The following DMD variants were observed in gnomAD, a reference collection of about 807,000 sequenced individuals.
The protein encoded by DMD is mutant dystrophin.
A neutral mutation model predicts 330.1 loss-of-function variants in DMD; 63 were observed. That is an observed-to-expected ratio of 0.19 (90% CI 0.16 to 0.24). The LOEUF is 0.24. Ranked by LOEUF, DMD falls within the 10% of genes least tolerant of loss-of-function variation. DMD has a pLI of 1.00. For missense variants in DMD, 3,344 were observed against 2,684.1 expected (o/e 1.25, Z -5.43); for synonymous variants, 1,223 against 959.8 (o/e 1.27, Z -5.07).
intron 1 of DMD, among the ~76,000 whole-genome samples, chrX:33,148,830 A>G (rs1038592744): frequency 3.6e-5 from 4 of 111,828 alleles, no homozygotes; most frequent in Non-Finnish European, 7.5e-5. Flanking sequence ...AAATCTCTCT[A>G]TGAGAGATAA....
chrX:32,187,851 C>T (rs1007750810), intron 44 of DMD, among the ~76,000 whole-genome samples: 28 of 110,629 alleles, frequency 2.5e-4, no homozygotes, highest in African/African-American at 8.2e-4. Context: ...AAACAAAGCA[C>T]GAACACGGTA....
chrX:32,579,599 T>A (rs2053435442), intron 13 of DMD, among the ~76,000 whole-genome samples: 1 of 112,869 alleles, frequency 8.9e-6, no homozygotes, highest in Non-Finnish European at 1.9e-5. Flanking sequence ...CTTTTCATAT[T>A]TTGTTTTAGC....
At chrX:32,725,118 T>C (rs751593042) in intron 7 of DMD, among the ~76,000 whole-genome samples, 2 of 111,378 alleles carry the variant, frequency 1.8e-5, no homozygotes, top group East Asian at 2.8e-4. Flanking sequence ...AATCTAGACA[T>C]TGTTTTCTTA....
In DMD at chrX:31,479,079, T is replaced by C; in HGVS notation, c.8572A>G (p.Lys2858Glu). ...HRAFKRELKT[K>E]EPVIMSTLET... ...AGAGTACTCATGATTACAGGTTCTT[T>C]AGTTTTCAATTCCCTCTTGAAGGCC... Residue 2858 changes from lysine to glutamate, a missense_variant, in exon 58 of 79, where the codon AAA becomes GAA. Lys to Glu is a moderately conservative substitution (Grantham distance 56). Coordinates refer to ENST00000357033, the MANE Select transcript of DMD (RefSeq NM_004006.3). 1.7e-6 allele frequency: 2 copies of C among 1,210,138 alleles called. No homozygotes were observed. Among genetic ancestry groups the C allele is most frequent in the Non-Finnish European group, 2.2e-6 (2 of 894,120 alleles).
intron 55 of DMD, among the ~76,000 whole-genome samples, chrX:31,574,825 CAAAAT>C (rs2076018786): frequency 9.0e-6 from 1 of 111,699 alleles, no homozygotes; most frequent in South Asian, 3.8e-4. Flanking sequence ...TCTCAAGAGA[CAAAAT>C]AAAACTACGA....
intron 25 of DMD, among the ~76,000 whole-genome samples, chrX:32,462,096 C>A (rs1456496091): frequency 1.8e-5 from 2 of 111,047 alleles, no homozygotes; most frequent in Non-Finnish European, 3.8e-5. Context: ...TATTAATTTC[C>A]AAAAAGGTAC....
chrX:31,372,489 G>C (rs1005949313), intron 60 of DMD, among the ~76,000 whole-genome samples: 3 of 111,773 alleles, frequency 2.7e-5, no homozygotes, highest in African/African-American at 9.8e-5. Flanking sequence ...GTGCAAATTA[G>C]GCCTCTTTCG....
At chrX:33,291,114 A>T (rs905588506) in intron 1 of DMD, among the ~76,000 whole-genome samples, 6 of 111,632 alleles carry the variant, frequency 5.4e-5, no homozygotes, top group African/African-American at 1.3e-4. Flanking sequence ...CATGCAAATC[A>T]ATAAACATAA....
intron 17 of DMD, among the ~76,000 whole-genome samples, chrX:32,534,515 A>G (rs1246393720): frequency 2.7e-5 from 3 of 110,230 alleles, no homozygotes; most frequent in African/African-American, 9.9e-5. Context: ...GCTTCCTGAG[A>G]CCTCCCCAGA....
In DMD at chrX:32,793,713, A is replaced by G. The variant is rs192598502; in HGVS notation, c.649+15780T>C. On this transcript the variant is annotated intron_variant, in intron 7 of 78. Coordinates refer to ENST00000357033, the MANE Select transcript of DMD (RefSeq NM_004006.3). ...AACCAACCGTGGATCAAGAAGAAAT[A>G]GAAAATCTGAACAGATCTATAATTA... is the stretch of plus-strand genomic sequence containing the variant. Among the ~76,000 whole-genome samples the G allele has an allele frequency of 3.6e-5, 4 of 112,093 alleles. No individual in the cohort carries two copies. The Admixed American group carries it at 3.8e-4, about 11-fold the overall frequency.
chrX:32,327,943 C>A (rs1392875399), intron 41 of DMD, among the ~76,000 whole-genome samples: 5 of 111,401 alleles, frequency 4.5e-5, no homozygotes, highest in Non-Finnish European at 9.4e-5. Flanking sequence ...AATTTTTTTT[C>A]ACTTCTCAAA....
chrX:32,885,591 C>A (rs977100415), intron 2 of DMD, among the ~76,000 whole-genome samples: 9 of 111,009 alleles, frequency 8.1e-5, no homozygotes, highest in African/African-American at 2.9e-4. Flanking sequence ...TAAGCTATAA[C>A]GATTAGCCTG....
intron 7 of DMD, among the ~76,000 whole-genome samples, 161 bp from the exon 8 acceptor site, chrX:32,699,454 T>C (rs750334740): frequency 8.9e-6 from 1 of 111,978 alleles, no homozygotes; most frequent in African/African-American, 3.2e-5. Flanking sequence ...GAATGAGGCC[T>C]AAAATGTCTT....
intron 2 of DMD, among the ~76,000 whole-genome samples, chrX:32,977,002 A>T (rs1285292800): frequency 1.8e-5 from 2 of 111,636 alleles, no homozygotes; most frequent in Non-Finnish European, 3.8e-5. Flanking sequence ...TTTAAAAGAA[A>T]CACGGTAGCC....
chrX:32,561,316 A>T (rs1173711498), intron 16 of DMD, among the ~76,000 whole-genome samples: 1 of 111,296 alleles, frequency 9.0e-6, no homozygotes, highest in Non-Finnish European at 1.9e-5. Context: ...AACATGAATG[A>T]CCTGATAGAG....
At chrX:32,345,320 C>G (rs1434467091) in intron 39 of DMD, among the ~76,000 whole-genome samples, 1 of 111,202 alleles carries the variant, frequency 9.0e-6, no homozygotes, top group Admixed American at 9.6e-5. Context: ...CTGCACAAAC[C>G]AGATGAGTCA....
chrX:32,523,201 T>G (rs1460235971), intron 17 of DMD, among the ~76,000 whole-genome samples: 2 of 111,131 alleles, frequency 1.8e-5, no homozygotes, highest in East Asian at 2.8e-4. Flanking sequence ...ATGCTGAAAC[T>G]TTGAACTAAA....
intron 11 of DMD, among the ~76,000 whole-genome samples, chrX:32,623,512 G>A (rs1263545987): frequency 9.2e-6 from 1 of 108,221 alleles, no homozygotes; most frequent in Non-Finnish European, 1.9e-5. Context: ...CCAAGGTAAA[G>A]ATTTATAATA....
chrX:31,664,191 G>A (rs1043415998), intron 53 of DMD, among the ~76,000 whole-genome samples: 1 of 111,132 alleles, frequency 9.0e-6, no homozygotes, highest in African/African-American at 3.3e-5. Flanking sequence ...ATTACCTTAA[G>A]ACAAACATGC....
Sources: allele counts gnomAD v4.1 joint callset (sites outside exome capture counted in the v4.1 genomes callset), GRCh38; gene constraint gnomAD v4.1.1; transcripts MANE v1.5; gene names NCBI Gene and HGNC (gene_info 2026-07-23, HGNC 2026-07-21).